Variants in SLC8A3 observed in about 807,000 individuals in gnomAD.
SLC8A3 encodes the protein solute carrier family 8 member A3.
A neutral mutation model predicts 65.4 loss-of-function variants in SLC8A3; 37 were observed. That is an observed-to-expected ratio of 0.57 (90% CI 0.44 to 0.74). SLC8A3 has a LOEUF of 0.74. Ranked by LOEUF, SLC8A3 falls within the 30% of genes least tolerant of loss-of-function variation. The pLI, the probability that SLC8A3 is intolerant of heterozygous loss-of-function variation, is 0.00. For missense variants in SLC8A3, 1,112 were observed against 1,172.1 expected, an observed-to-expected ratio of 0.95 and a Z score of 0.75; for synonymous variants, 461 against 444.5, an observed-to-expected ratio of 1.04 and a Z score of -0.47.
chr14:70,146,655 G>A (rs192864129), intron 2 of SLC8A3, among the ~76,000 whole-genome samples: 67 of 152,326 alleles, frequency 4.4e-4, no homozygotes, highest in African/African-American at 1.5e-3. Flanking sequence ...ATTCATAGCT[G>A]AAGTGGAACA....
intron 3 of SLC8A3, among the ~76,000 whole-genome samples, chr14:70,056,359 C>G (rs1168659161): frequency 1.3e-5 from 2 of 152,192 alleles, no homozygotes; most frequent in Non-Finnish European, 2.9e-5. Context: ...CTTAGCTGAA[C>G]TCATGCTCAG....
intron 2 of SLC8A3, among the ~76,000 whole-genome samples, chr14:70,090,838 T>C (rs1891753254): frequency 6.6e-6 from 1 of 152,222 alleles, no homozygotes; most frequent in Admixed American, 6.5e-5. Context: ...TAGGAAGTAG[T>C]TCTTAGCTTT....
At chr14:70,122,712 G>T (rs1453058967) in intron 2 of SLC8A3, among the ~76,000 whole-genome samples, 4 of 152,224 alleles carry the variant, frequency 2.6e-5, no homozygotes, top group Non-Finnish European at 5.9e-5. Flanking sequence ...AACGTTCAGA[G>T]TAGATGACCT....
intron 1 of SLC8A3, among the ~76,000 whole-genome samples, chr14:70,185,973 T>C (rs1594834205): frequency 6.6e-6 from 1 of 152,224 alleles, no homozygotes; most frequent in South Asian, 2.1e-4. Flanking sequence ...TATTTTTCTT[T>C]TGGAGTCCAA....
intron 3 of SLC8A3, among the ~76,000 whole-genome samples, chr14:70,058,355 T>C (rs1888396534): frequency 6.6e-6 from 1 of 152,180 alleles, no homozygotes; most frequent in Non-Finnish European, 1.5e-5. Context: ...CCTTTCACCT[T>C]ATGGTCTAAT....
chr14:70,081,054 C>T (rs1360663231), intron 2 of SLC8A3, among the ~76,000 whole-genome samples: 2 of 152,114 alleles, frequency 1.3e-5, no homozygotes, highest in Non-Finnish European at 2.9e-5. Flanking sequence ...TTATTTAAAG[C>T]TGAAGAAAAT....
intron 2 of SLC8A3, among the ~76,000 whole-genome samples, chr14:70,149,510 T>C (rs540162538): frequency 6.6e-6 from 1 of 152,208 alleles, no homozygotes; most frequent in Non-Finnish European, 1.5e-5. Context: ...GTAATTGTTC[T>C]GTTTAAGCTT....
chr14:70,184,502 C>G (rs1358657355), intron 1 of SLC8A3, among the ~76,000 whole-genome samples: 1 of 152,170 alleles, frequency 6.6e-6, no homozygotes, highest in Non-Finnish European at 1.5e-5. Flanking sequence ...ATAACACTTT[C>G]TCCCTCCACT....
intron 3 of SLC8A3, 130 bp from the exon 4 acceptor site, chr14:70,052,244 T>A: frequency 8.8e-7 from 1 of 1,131,652 alleles, no homozygotes; most frequent in South Asian, 2.1e-5. Flanking sequence ...TTATATATAT[T>A]TTTAGTGCCT....
At chr14:70,166,056 A>G (rs1411485149) in intron 2 of SLC8A3, among the ~76,000 whole-genome samples, 1 of 152,234 alleles carries the variant, frequency 6.6e-6, no homozygotes, top group Admixed American at 6.5e-5. Context: ...TGGTCATTTA[A>G]AAAGATTGCT....
At chr14:70,077,201 G>T (rs1293873432) in intron 2 of SLC8A3, among the ~76,000 whole-genome samples, 4 of 152,126 alleles carry the variant, frequency 2.6e-5, no homozygotes, top group Non-Finnish European at 5.9e-5. Flanking sequence ...TTTGGCAGGT[G>T]CTGGTTTGGA....
In SLC8A3 at chr14:70,046,497, T is replaced by C; in HGVS notation, c.2390-174A>G. On this transcript the variant is annotated intron_variant, in intron 6 of 6. Coordinates refer to ENST00000356921, the MANE Select transcript of SLC8A3 (RefSeq NM_182932.3). This position sits in a 1 kb window ranked among gnomAD's most constrained non-coding sequence, Gnocchi z 4.2. Reference sequence around the variant, plus strand: ...CTGCCGCAAGCAAGCCGTGTGGCCCTGGGTAGGTCACATCCCTAGTCTGGG... The same window carrying C: ...CTGCCGCAAGCAAGCCGTGTGGCCCCGGGTAGGTCACATCCCTAGTCTGGG... 1.6e-6 allele frequency: 1 copy of C among 618,992 alleles called. No individual in the cohort carries two copies. The highest frequency in any genetic ancestry group is 2.8e-5 in the East Asian group (1 of 36,212). The allele number at this position is 618,992 out of a possible 1,614,324, so 38.3% of individuals were successfully genotyped here.
At chr14:70,162,348 G>A (rs1896944366) in intron 2 of SLC8A3, among the ~76,000 whole-genome samples, 1 of 152,166 alleles carries the variant, frequency 6.6e-6, no homozygotes, top group African/African-American at 2.4e-5. Flanking sequence ...AGCTAGCCAT[G>A]TAATCTTGGA....
At chr14:70,162,366 C>T (rs931512169) in intron 2 of SLC8A3, among the ~76,000 whole-genome samples, 2 of 152,212 alleles carry the variant, frequency 1.3e-5, no homozygotes, top group African/African-American at 4.8e-5. Flanking sequence ...GGATAAGTTA[C>T]CTTCCCTTTC....
chr14:70,119,848 AG>A (rs1357315520), intron 2 of SLC8A3, among the ~76,000 whole-genome samples: 1 of 152,256 alleles, frequency 6.6e-6, no homozygotes, highest in Admixed American at 6.5e-5. Flanking sequence ...TATAATTGCT[AG>A]TTACATGTGT....
At chr14:70,124,040 C>T (rs1348803723) in intron 2 of SLC8A3, among the ~76,000 whole-genome samples, 1 of 152,136 alleles carries the variant, frequency 6.6e-6, no homozygotes, top group African/African-American at 2.4e-5. Context: ...CAAAGCTCTG[C>T]CACACTTGTC....
intron 2 of SLC8A3, among the ~76,000 whole-genome samples, chr14:70,153,385 T>G (rs766158530): frequency 6.6e-6 from 1 of 152,196 alleles, no homozygotes; most frequent in Non-Finnish European, 1.5e-5. Flanking sequence ...TCCATCTGTG[T>G]GTGCCCCACA....
intron 2 of SLC8A3, among the ~76,000 whole-genome samples, chr14:70,141,351 A>G (rs1895561144): frequency 6.6e-6 from 1 of 152,262 alleles, no homozygotes; most frequent in Non-Finnish European, 1.5e-5. Context: ...AAAAGGAAGC[A>G]AAGAGACATT....
intron 2 of SLC8A3, among the ~76,000 whole-genome samples, chr14:70,134,665 A>G (rs1325027044): frequency 1.3e-5 from 2 of 152,148 alleles, no homozygotes; most frequent in African/African-American, 4.8e-5. Context: ...GGATTTTCTT[A>G]GCATTTTCTT....
Sources: gnomAD v4.1 joint callset for allele counts (sites outside exome capture counted in the v4.1 genomes callset) on GRCh38, gnomAD v4.1.1 for gene constraint, Gnocchi (gnomAD v3.1) non-coding constraint, MANE v1.5 for transcripts, NCBI Gene and HGNC (gene_info 2026-07-23, HGNC 2026-07-21) for gene names.